The following SCHIP1 variants were observed in gnomAD, a reference collection of about 807,000 sequenced individuals.
The protein encoded by SCHIP1 is schwannomin interacting protein 1.
In SCHIP1, 8 loss-of-function variants were observed where a neutral mutation model predicts 29.7. The ratio of observed to expected loss-of-function variants is 0.27; its 90% confidence interval spans 0.16 to 0.49. The LOEUF (loss-of-function observed/expected upper bound fraction) is 0.49, where lower values mean the gene tolerates loss of function less well. Ranked by LOEUF, SCHIP1 falls within the 20% of genes least tolerant of loss-of-function variation. SCHIP1 has a pLI of 0.99. For missense variants in SCHIP1, 193 were observed against 294.6 expected (o/e 0.66, Z 2.52); for synonymous variants, 76 against 94.9 (o/e 0.80, Z 1.16).
At chr3:159,828,367 A>ATACATATATACG in the SCHIP1 span, among the ~76,000 whole-genome samples, 1 of 117,610 alleles carries the variant, frequency 8.5e-6, no homozygotes, top group African/African-American at 3.3e-5. Flanking sequence ...ACCTTTATAT[A>ATACATATATACG]TATATATACA....
the SCHIP1 span, among the ~76,000 whole-genome samples, chr3:159,398,254 C>T: frequency 3.3e-5 from 5 of 152,228 alleles, no homozygotes; most frequent in Non-Finnish European, 5.9e-5. Flanking sequence ...GAACCCGGTA[C>T]CTCAGATGGA....
At chr3:159,537,413 G>A in the SCHIP1 span, among the ~76,000 whole-genome samples, 14 of 152,086 alleles carry the variant, frequency 9.2e-5, no homozygotes, top group African/African-American at 2.7e-4. Flanking sequence ...TTGATTTCCT[G>A]TCCCATCATT....
the SCHIP1 span, among the ~76,000 whole-genome samples, chr3:159,346,606 G>A: frequency 6.6e-6 from 1 of 152,082 alleles, no homozygotes; most frequent in Non-Finnish European, 1.5e-5. Flanking sequence ...AATGTGTTGG[G>A]AGCCGCATGA....
chr3:159,397,933 A>G, the SCHIP1 span, among the ~76,000 whole-genome samples: 7 of 152,240 alleles, frequency 4.6e-5, no homozygotes, highest in Non-Finnish European at 7.4e-5. Flanking sequence ...CCTCGCTGCC[A>G]CCTTGCAGTT....
At chr3:159,838,374 T>A (rs931543581), upstream of SCHIP1, among the ~76,000 whole-genome samples, 3 of 152,220 alleles carry the variant, frequency 2.0e-5, no homozygotes, top group Admixed American at 2.0e-4. Context: ...CAATTCCATT[T>A]CTCATGCAAA....
the SCHIP1 span, among the ~76,000 whole-genome samples, chr3:159,279,629 C>T: frequency 6.6e-6 from 1 of 152,082 alleles, no homozygotes; most frequent in African/African-American, 2.4e-5. Flanking sequence ...GTATAGCCTG[C>T]TAGATCTGCT....
chr3:159,408,399 A>AC, the SCHIP1 span, among the ~76,000 whole-genome samples: 1 of 61,656 alleles, frequency 1.6e-5, no homozygotes, highest in Non-Finnish European at 3.7e-5. Context: ...TTTTGCAATG[A>AC]TAAAAAAAAA....
At chr3:159,563,541 A>G in the SCHIP1 span, among the ~76,000 whole-genome samples, 2 of 152,148 alleles carry the variant, frequency 1.3e-5, no homozygotes, top group African/African-American at 2.4e-5. Flanking sequence ...AAAAATTACT[A>G]AAGGAGGCCA....
the SCHIP1 span, among the ~76,000 whole-genome samples, chr3:159,425,943 C>T: frequency 6.6e-6 from 1 of 152,202 alleles, no homozygotes; most frequent in East Asian, 1.9e-4. Flanking sequence ...TGAATGACTA[C>T]TGGGTACATA....
At chr3:159,358,049 T>A in the SCHIP1 span, among the ~76,000 whole-genome samples, 1 of 152,246 alleles carries the variant, frequency 6.6e-6, no homozygotes, top group Non-Finnish European at 1.5e-5. Flanking sequence ...ACTTGGCATC[T>A]GTGGAATGTT....
At chr3:159,626,207 G>T in the SCHIP1 span, among the ~76,000 whole-genome samples, 204 of 114,288 alleles carry the variant, frequency 1.8e-3, 9 homozygotes, top group African/African-American at 0.011. Context: ...TAGATAGATA[G>T]ATATATCTAG....
the SCHIP1 span, among the ~76,000 whole-genome samples, chr3:159,621,113 G>C: frequency 6.6e-6 from 1 of 152,204 alleles, no homozygotes; most frequent in African/African-American, 2.4e-5. Context: ...TATGTGATGA[G>C]AAACACTGTT....
intron 2 of SCHIP1, among the ~76,000 whole-genome samples, chr3:159,870,593 G>A (rs1025823781): frequency 7.2e-5 from 11 of 151,772 alleles, no homozygotes; most frequent in African/African-American, 1.7e-4. Context: ...AGTGGTTAGG[G>A]AGTATTATAT....
the SCHIP1 span, among the ~76,000 whole-genome samples, chr3:159,383,862 T>G: frequency 6.6e-6 from 1 of 151,396 alleles, no homozygotes; most frequent in Non-Finnish European, 1.5e-5. Context: ...TTTATTCTCT[T>G]TGAAGCAATT....
At chr3:159,696,056 T>G in the SCHIP1 span, among the ~76,000 whole-genome samples, 1 of 152,132 alleles carries the variant, frequency 6.6e-6, no homozygotes, top group African/African-American at 2.4e-5. Context: ...CTGGTACCCA[T>G]CAAATTCATC....
chr3:159,395,500 A>G, the SCHIP1 span, among the ~76,000 whole-genome samples: 1 of 151,034 alleles, frequency 6.6e-6, no homozygotes, highest in Non-Finnish European at 1.5e-5. Flanking sequence ...AATGTGTCCC[A>G]GAGATTCTGG....
At chr3:159,647,979 C>T in the SCHIP1 span, among the ~76,000 whole-genome samples, 1 of 152,068 alleles carries the variant, frequency 6.6e-6, no homozygotes, top group African/African-American at 2.4e-5. Flanking sequence ...AGGGAAGAGG[C>T]AAACCACTTC....
the SCHIP1 span, among the ~76,000 whole-genome samples, chr3:159,578,067 G>T: frequency 6.6e-6 from 1 of 152,188 alleles, no homozygotes; most frequent in Non-Finnish European, 1.5e-5. Flanking sequence ...ACCCGGTTTT[G>T]GGGGGGTGGA....
At chr3:159,413,653 A>T in the SCHIP1 span, among the ~76,000 whole-genome samples, 1 of 152,154 alleles carries the variant, frequency 6.6e-6, no homozygotes. Context: ...TTTCCAAGTC[A>T]TGAAAATTAT....
Sources: gnomAD v4.1 joint callset for allele counts (sites outside exome capture counted in the v4.1 genomes callset) on GRCh38, gnomAD v4.1.1 for gene constraint, MANE v1.5 for transcripts, NCBI Gene and HGNC (gene_info 2026-07-23, HGNC 2026-07-21) for gene names.